Variants in EPS8 observed in about 807,000 individuals in gnomAD.
The protein encoded by EPS8 is epidermal growth factor receptor kinase substrate 8.
EPS8 carries 42 observed loss-of-function variants against 103.8 expected under a neutral mutation model. That is an observed-to-expected ratio of 0.40 (90% CI 0.32 to 0.52). The LOEUF (loss-of-function observed/expected upper bound fraction) is 0.52, where lower values mean the gene tolerates loss of function less well. Among genes scored for constraint, EPS8 ranks in the 20% least tolerant of loss-of-function variants. The probability of loss-of-function intolerance (pLI) is 0.40; values close to 1 mark genes in which losing one functional copy is unlikely to be tolerated. For missense variants in EPS8, 969 were observed against 1,005.1 expected (o/e 0.96, Z 0.49); for synonymous variants, 344 against 344.6 (o/e 1.00, Z 0.02).
Position 15,654,215 on chromosome 12 carries a change from A to G in EPS8, c.1180T>C (p.Leu394=). The change falls in exon 13 of 21, where the codon TTA becomes CTA. Residue 394 remains leucine, a synonymous_variant. Transcript: ENST00000281172. The part of the protein sequence containing the change: ...PLLNKDTIDF[L]NYTVNGDERQ... ...TCATCACCATTGACAGTATAATTTA[A>G]GAAATCAATTGTGTCCTTATTCAAT... 1 of 1,613,782 alleles carries G rather than the reference A, an allele frequency of 6.2e-7. No individual in the cohort carries two copies. Among genetic ancestry groups the G allele is most frequent in the Non-Finnish European group, 8.5e-7 (1 of 1,179,718 alleles).
rs762303823 is a variant in EPS8, at chr12:15,728,155, T to G, written c.-21-45183A>C. ...AGCTTTTTAGTGATGGAACTTTAAC[T>G]GTTACCAAAAGCGTAGTCGACTGGT... On this transcript the variant is annotated intron_variant, in intron 1 of 20. Coordinates refer to ENST00000281172, the MANE Select transcript of EPS8 (RefSeq NM_004447.6). This position sits in a 1 kb window ranked among gnomAD's most constrained non-coding sequence, Gnocchi z 4.5. 7.2e-5 allele frequency: 11 copies of G among 152,228 alleles called. No homozygotes were observed. The highest frequency in any genetic ancestry group is 1.6e-4 in the Non-Finnish European group (11 of 68,040). 9.4% of individuals were successfully genotyped at this position (152,228 alleles called of 1,614,324 possible).
At chr12:15,641,110 A>AAAGTACTTAAAGGACTT (rs1945221465) in intron 16 of EPS8, among the ~76,000 whole-genome samples, 1 of 152,184 alleles carries the variant, frequency 6.6e-6, no homozygotes, top group Non-Finnish European at 1.5e-5. Flanking sequence ...CTTAAGGACT[A>AAAGTACTTAAAGGACTT]AAGTACTTAA....
intron 1 of EPS8, among the ~76,000 whole-genome samples, chr12:15,770,752 C>G (rs1020269358): frequency 3.9e-5 from 6 of 152,134 alleles, no homozygotes; most frequent in Non-Finnish European, 7.3e-5. Flanking sequence ...TGATTGTCAC[C>G]ATGATTAAGC....
intron 8 of EPS8, chr12:15,662,500 A>T: frequency 6.0e-6 from 6 of 993,006 alleles, no homozygotes; most frequent in Non-Finnish European, 7.2e-6. Flanking sequence ...CAGAGCTATA[A>T]TTTTTATACA....
chr12:15,738,603 C>A lies in EPS8; in HGVS notation c.-22+50558G>T, dbSNP rs1375059080. ...CAACTTCCTTCCAACTCACTTTATGCCCTAGGGCATTCTGCATTATTATGC... is the reference window on the plus strand; with the variant it reads ...CAACTTCCTTCCAACTCACTTTATGACCTAGGGCATTCTGCATTATTATGC... On this transcript the variant is annotated intron_variant, in intron 1 of 20. Coordinates refer to ENST00000281172, the MANE Select transcript of EPS8 (RefSeq NM_004447.6). The surrounding 1 kb of genome is among the most constrained non-coding windows in gnomAD (Gnocchi z 6.2). Among the ~76,000 whole-genome samples, 1 of 152,134 alleles carries A rather than the reference C, an allele frequency of 6.6e-6. No homozygotes were observed. The highest frequency in any genetic ancestry group is 1.5e-5 in the Non-Finnish European group (1 of 68,012).
In EPS8 at chr12:15,764,623, G is replaced by A. The variant is rs866892617; in HGVS notation, c.-22+24538C>T. 1.3e-5 allele frequency among the ~76,000 whole-genome samples: 2 copies of A among 152,220 alleles called. No homozygotes were observed. The highest frequency in any genetic ancestry group is 2.9e-5 in the Non-Finnish European group (2 of 68,016). ...TGAAACTTCAACCAGATAAAGTAAT[G>A]TCTGAACCTCTGAAGCCAGAAATTA... On this transcript the variant is annotated intron_variant, in intron 1 of 20. Coordinates refer to ENST00000281172, the MANE Select transcript of EPS8 (RefSeq NM_004447.6). The surrounding 1 kb of genome is among the most constrained non-coding windows in gnomAD (Gnocchi z 4.1).
intron 17 of EPS8, among the ~76,000 whole-genome samples, chr12:15,635,779 T>C (rs945040001): frequency 3.9e-5 from 6 of 152,174 alleles, no homozygotes; most frequent in Admixed American, 2.0e-4. Context: ...CTTTAAGGAC[T>C]AGAACCCTCA....
At chr12:15,671,001 C>G in intron 3 of EPS8, 78 bp from the exon 4 acceptor site, 1 of 1,002,446 alleles carries the variant, frequency 1.0e-6, no homozygotes, top group Non-Finnish European at 1.6e-6. Flanking sequence ...GTGGCTATCT[C>G]TAAAACTAGT....
At chr12:15,672,630 G>A (rs1205813160) in intron 3 of EPS8, 6 of 393,468 alleles carry the variant, frequency 1.5e-5, no homozygotes, top group Non-Finnish European at 2.7e-5. Context: ...GTGAGCGACT[G>A]TGATTTTTCT....
At chr12:15,737,166 A>G (rs1435556939) in intron 1 of EPS8, among the ~76,000 whole-genome samples, 1 of 152,138 alleles carries the variant, frequency 6.6e-6, no homozygotes, top group Non-Finnish European at 1.5e-5. Flanking sequence ...AGCTCAGTAG[A>G]AAATACCACC....
At chr12:15,775,326 G>T (rs138319546) in intron 1 of EPS8, among the ~76,000 whole-genome samples, 1 of 151,940 alleles carries the variant, frequency 6.6e-6, no homozygotes. Flanking sequence ...ACTGAATACC[G>T]TATATAAAAA....
In EPS8 at chr12:15,752,241, A is replaced by G. The variant is rs1312680046; in HGVS notation, c.-22+36920T>C. Among the ~76,000 whole-genome samples the G allele has an allele frequency of 1.3e-5, 2 of 152,066 alleles. No homozygotes were observed. The highest frequency in any genetic ancestry group is 2.9e-5 in the Non-Finnish European group (2 of 67,988). ...GGCAGGCGGATCACGAGGTCAGGAG[A>G]TCGAGACCATCCTGGCTAACATGGT... On this transcript the variant is annotated intron_variant, in intron 1 of 20. Coordinates refer to ENST00000281172, the MANE Select transcript of EPS8 (RefSeq NM_004447.6). The surrounding 1 kb of genome is among the most constrained non-coding windows in gnomAD (Gnocchi z 4.4).
At chr12:15,644,760 C>T (rs1211134538) in intron 15 of EPS8, among the ~76,000 whole-genome samples, 2 of 151,384 alleles carry the variant, frequency 1.3e-5, no homozygotes, top group African/African-American at 2.4e-5. Context: ...ACAGTATCTA[C>T]TGCATTCCTG....
chr12:15,671,957 G>A (rs950990330), intron 3 of EPS8: 2 of 152,118 alleles, frequency 1.3e-5, no homozygotes, highest in African/African-American at 4.8e-5. Flanking sequence ...TCACTAAGTA[G>A]GAAACTAAAT....
rs542310659 is a variant in EPS8 at position 15,711,276 on chromosome 12, T to C, written c.-21-28304A>G. Among the ~76,000 whole-genome samples, 295 of 152,222 alleles carry C rather than the reference T, an allele frequency of 1.9e-3. 1 individual carries two copies. Among genetic ancestry groups the C allele is most frequent in the Admixed American group, 1.6e-3 (25 of 15,292 alleles). On this transcript the variant is annotated intron_variant, in intron 1 of 20. Transcript: ENST00000281172. ...AAGGTTCATACCTACCTTGACGATT[T>C]AATGACAAATGACATCACTGAAAAG...
At chr12:15,691,162 A>C (rs756887119) in intron 1 of EPS8, among the ~76,000 whole-genome samples, 9 of 151,210 alleles carry the variant, frequency 6.0e-5, no homozygotes, top group Admixed American at 1.3e-4. Flanking sequence ...AATAGAAGAC[A>C]GCAAAGTGTG....
intron 15 of EPS8, among the ~76,000 whole-genome samples, chr12:15,643,740 G>GAAAAAA (rs56952348): frequency 2.6e-5 from 2 of 76,994 alleles, no homozygotes; most frequent in African/African-American, 1.0e-4. Flanking sequence ...ACTCTGTCTC[G>GAAAAAA]AAAAAAAAAA....
chr12:15,717,542 G>A lies in EPS8; in HGVS notation c.-21-34570C>T, dbSNP rs953778395. Reference sequence around the variant, plus strand: ...GCAGAGGTTGCAGTCAGCCGAGATCGTGCCATTGCACTCCAGCCTGGGTGA... The same window carrying A: ...GCAGAGGTTGCAGTCAGCCGAGATCATGCCATTGCACTCCAGCCTGGGTGA... On this transcript the variant is annotated intron_variant, in intron 1 of 20. Transcript: ENST00000281172. This position sits in a 1 kb window ranked among gnomAD's most constrained non-coding sequence, Gnocchi z 4.3. Among the ~76,000 whole-genome samples the A allele has an allele frequency of 6.6e-6, 1 of 151,988 alleles. No homozygotes were observed.
chr12:15,633,207 CACAA>C (rs2135735411), intron 17 of EPS8, among the ~76,000 whole-genome samples: 1 of 152,134 alleles, frequency 6.6e-6, no homozygotes, highest in East Asian at 1.9e-4. Context: ...TATTATTCCC[CACAA>C]ACAATCTTCC....
Sources: allele counts gnomAD v4.1 joint callset (sites outside exome capture counted in the v4.1 genomes callset), GRCh38; gene constraint gnomAD v4.1.1; non-coding constraint Gnocchi (gnomAD v3.1); transcripts MANE v1.5; gene names NCBI Gene and HGNC (gene_info 2026-07-23, HGNC 2026-07-21).